Variants in CCDC85C observed in about 807,000 individuals in gnomAD.
CCDC85C encodes the protein coiled-coil domain containing 85C, also known as coiled-coil domain-containing protein 85C.
In CCDC85C, 18 loss-of-function variants were observed where a neutral mutation model predicts 38.3. The observed-to-expected ratio is 0.47, with a 90% CI of 0.33 to 0.70. CCDC85C has a LOEUF of 0.70. Ranked by LOEUF, CCDC85C falls within the 30% of genes least tolerant of loss-of-function variation. The pLI is 0.03. For synonymous variants in CCDC85C, 264 were observed against 293.8 expected, an observed-to-expected ratio of 0.90 and a Z score of 1.04; for missense variants, 566 against 621.2, an observed-to-expected ratio of 0.91 and a Z score of 0.94.
In CCDC85C at chr14:99,500,689, A is replaced by G. The variant is rs1198460837; in HGVS notation, c.*14557T>C. 11 of 926,576 alleles carry G rather than the reference A, an allele frequency of 1.2e-5. No homozygotes were observed. Among genetic ancestry groups the G allele is most frequent in the Non-Finnish European group, 1.9e-5 (11 of 581,688 alleles). 57.4% of individuals were successfully genotyped at this position (926,576 alleles called of 1,614,324 possible). On this transcript the variant is annotated 3_prime_UTR_variant, in exon 6 of 6. Transcript: ENST00000380243. ...TAACTTGAAGAGAGAATAAATAGAC[A>G]GGAAAGCTCACTTTTGTAATGCTGC... is the stretch of plus-strand genomic sequence containing the variant.
rs1595330482 is a variant in CCDC85C at position 99,510,025 on chromosome 14, T to C, written c.*5221A>G. On this transcript the variant is annotated 3_prime_UTR_variant, in exon 6 of 6. Coordinates refer to ENST00000380243, the MANE Select transcript of CCDC85C (RefSeq NM_001144995.2). ...CATCAGGACATGGGGCATGGGCCCA[T>C]GCGTTGGGCCACAGAGGAGGCGGGC... The C allele has an allele frequency of 1.2e-6, 1 of 833,388 alleles. No homozygotes were observed. Among genetic ancestry groups the C allele is most frequent in the East Asian group, 2.7e-5 (1 of 37,534 alleles). 51.6% of individuals were successfully genotyped at this position (833,388 alleles called of 1,614,324 possible). A position where few individuals can be genotyped will look rare whatever the true frequency, so the allele number is the denominator to read the frequency against.
intron 1 of CCDC85C, among the ~76,000 whole-genome samples, chr14:99,554,547 C>T (rs896790863): frequency 2.0e-5 from 3 of 152,148 alleles, no homozygotes; most frequent in African/African-American, 7.2e-5. Context: ...CTGCCAGCTC[C>T]AAGCAGGTGA....
Position 99,516,284 on chromosome 14 carries a change from G to A in CCDC85C, c.1074C>T (p.Val358=), listed in dbSNP as rs1488172943. The part of the protein sequence containing the change: ...KPEAVVHAMK[V]LEVHENLDRQ... ...GGTCCAGATTCTCGTGTACCTCCAG[G>A]ACCTGAAGGGAACGGGTCTCGGGGT... Residue 358 remains valine, a splice_region_variant and synonymous_variant, in exon 5 of 6, where the codon GTC becomes GTT. Coordinates refer to ENST00000380243, the MANE Select transcript of CCDC85C (RefSeq NM_001144995.2). The surrounding 1 kb of genome is among the most constrained non-coding windows in gnomAD (Gnocchi z 5.5). The A allele has an allele frequency of 1.7e-5, 26 of 1,550,388 alleles. No homozygotes were observed. The highest frequency in any genetic ancestry group is 2.2e-5 in the Non-Finnish European group (25 of 1,146,328).
At chr14:99,587,006 C>T (rs992087453) in intron 1 of CCDC85C, among the ~76,000 whole-genome samples, 1 of 152,230 alleles carries the variant, frequency 6.6e-6, no homozygotes, top group Non-Finnish European at 1.5e-5. Flanking sequence ...GTGGGAGGGA[C>T]ACCCCAACAG....
At chr14:99,566,197 C>A (rs537151609) in intron 1 of CCDC85C, among the ~76,000 whole-genome samples, 4 of 152,218 alleles carry the variant, frequency 2.6e-5, no homozygotes, top group Non-Finnish European at 5.9e-5. Flanking sequence ...ACCACCCACT[C>A]GGTGGACGAC....
chr14:99,534,829 G>T, intron 2 of CCDC85C: 1 of 645,854 alleles, frequency 1.5e-6, no homozygotes, highest in South Asian at 1.7e-5. Flanking sequence ...TCACCATAGG[G>T]CACCTGACAG....
At chr14:99,541,141 G>A (rs1203448402) in intron 1 of CCDC85C, among the ~76,000 whole-genome samples, 1 of 152,222 alleles carries the variant, frequency 6.6e-6, no homozygotes, top group Non-Finnish European at 1.5e-5. Context: ...TTGGCACACA[G>A]TCAGCCTCCA....
At chr14:99,518,151 C>G (rs1897253959) in intron 3 of CCDC85C, among the ~76,000 whole-genome samples, 1 of 152,162 alleles carries the variant, frequency 6.6e-6, no homozygotes, top group African/African-American at 2.4e-5. Flanking sequence ...CCCACCCAGG[C>G]CTGCATCATG....
At chr14:99,574,944 C>T (rs1209787474) in intron 1 of CCDC85C, among the ~76,000 whole-genome samples, 2 of 152,198 alleles carry the variant, frequency 1.3e-5, no homozygotes, top group Non-Finnish European at 2.9e-5. Context: ...CCCAGGGTTG[C>T]ACCCACAGAC....
At chr14:99,532,358 C>T (rs1209319956) in intron 2 of CCDC85C, among the ~76,000 whole-genome samples, 1 of 152,240 alleles carries the variant, frequency 6.6e-6, no homozygotes, top group African/African-American at 2.4e-5. Flanking sequence ...GCCACGAGCT[C>T]TCTTCACCTC....
chr14:99,585,708 G>A (rs960307007), intron 1 of CCDC85C, among the ~76,000 whole-genome samples: 3 of 152,200 alleles, frequency 2.0e-5, no homozygotes, highest in African/African-American at 7.2e-5. Flanking sequence ...AGATCGCACG[G>A]GTGGATGCAC....
At chr14:99,565,244 C>A (rs948640241) in intron 1 of CCDC85C, among the ~76,000 whole-genome samples, 1 of 152,208 alleles carries the variant, frequency 6.6e-6, no homozygotes, top group Admixed American at 6.5e-5. Context: ...TTCCACAGCT[C>A]GTCGTGTGCA....
At chr14:99,571,345 G>GTAGTAATAATAA (rs35376895) in intron 1 of CCDC85C, among the ~76,000 whole-genome samples, 1 of 149,916 alleles carries the variant, frequency 6.7e-6, no homozygotes, top group African/African-American at 2.5e-5. Context: ...AGTAGTAGTA[G>GTAGTAATAATAA]TAATAATAAT....
chr14:99,602,562 G>A (rs1234228497), intron 1 of CCDC85C, among the ~76,000 whole-genome samples: 1 of 152,126 alleles, frequency 6.6e-6, no homozygotes, highest in Non-Finnish European at 1.5e-5. Context: ...TTAGAGTCTC[G>A]GCTGAGAAAG....
chr14:99,524,998 A>C (rs1427526331), intron 2 of CCDC85C, among the ~76,000 whole-genome samples: 1 of 152,206 alleles, frequency 6.6e-6, no homozygotes, highest in Non-Finnish European at 1.5e-5. Flanking sequence ...CCAAACACTC[A>C]GCGTGGCCCC....
chr14:99,597,968 G>A (rs1430712193), intron 1 of CCDC85C, among the ~76,000 whole-genome samples: 1 of 152,224 alleles, frequency 6.6e-6, no homozygotes, highest in Non-Finnish European at 1.5e-5. Flanking sequence ...TGAAGAAACT[G>A]AGGCTTAGAG....
rs756964169 is a variant in CCDC85C at position 99,535,291 on chromosome 14, G to A, written c.867+724C>T. On this transcript the variant is annotated intron_variant, in intron 2 of 5. Coordinates refer to ENST00000380243, the MANE Select transcript of CCDC85C (RefSeq NM_001144995.2). The surrounding 1 kb of genome is among the most constrained non-coding windows in gnomAD (Gnocchi z 5.5). ...GAGACTGGGATGAAGCCAGGGATGC[G>A]CACGAGGGCTCGGAGGCTTGGGGGA... Among the ~76,000 whole-genome samples the A allele has an allele frequency of 9.2e-5, 14 of 152,190 alleles. No homozygotes were observed. Among genetic ancestry groups the A allele is most frequent in the Non-Finnish European group, 1.9e-4 (13 of 68,034 alleles).
rs1202901799 is a variant in CCDC85C at position 99,506,594 on chromosome 14, A to G, written c.*8652T>C. The G allele has an allele frequency of 6.3e-6, 1 of 158,806 alleles. No homozygotes were observed. The highest frequency in any genetic ancestry group is 1.4e-5 in the Non-Finnish European group (1 of 71,838). 9.8% of individuals were successfully genotyped at this position (158,806 alleles called of 1,614,324 possible). A position where few individuals can be genotyped will look rare whatever the true frequency, so the allele number is the denominator to read the frequency against. ...ATGTGCTGCTTCTGACATGCTGCCA[A>G]CTGGAAGTCAGTATTTGGGAAAGAG... On this transcript the variant is annotated 3_prime_UTR_variant, in exon 6 of 6. Transcript: ENST00000380243.
Position 99,572,738 on chromosome 14 carries a change from C to T in CCDC85C, c.793+30429G>A, listed in dbSNP as rs1898380335. The T allele has an allele frequency of 4.4e-6, 2 of 455,988 alleles. No individual in the cohort carries two copies. Among genetic ancestry groups the T allele is most frequent in the Non-Finnish European group, 8.8e-6 (2 of 226,818 alleles). The allele number at this position is 455,988 out of a possible 1,614,324, so 28.2% of individuals were successfully genotyped here. ...CACTCACCAGGATATGAAACTGTCCCATCCATGGATTTGTTTGCCAGTTTA... is the reference window on the plus strand; with the variant it reads ...CACTCACCAGGATATGAAACTGTCCTATCCATGGATTTGTTTGCCAGTTTA... On this transcript the variant is annotated intron_variant, in intron 1 of 5. Transcript: ENST00000380243. The surrounding 1 kb of genome is among the most constrained non-coding windows in gnomAD (Gnocchi z 4.4).
Sources: gnomAD v4.1 joint callset for allele counts (sites outside exome capture counted in the v4.1 genomes callset) on GRCh38, gnomAD v4.1.1 for gene constraint, Gnocchi (gnomAD v3.1) non-coding constraint, MANE v1.5 for transcripts, NCBI Gene and HGNC (gene_info 2026-07-23, HGNC 2026-07-21) for gene names.